CSPP1: variants seen among roughly 807,000 people sequenced by gnomAD.
CSPP1 encodes the protein centrosome and spindle pole associated protein 1.
In CSPP1, 126 loss-of-function variants were observed where a neutral mutation model predicts 164.4. That is an observed-to-expected ratio of 0.77 (90% CI 0.66 to 0.89). CSPP1 has a LOEUF of 0.89. Ranked by LOEUF, CSPP1 falls within the 40% of genes least tolerant of loss-of-function variation. The pLI is 0.00. For missense variants in CSPP1, 1,395 were observed against 1,449.8 expected (o/e 0.96, Z 0.61); for synonymous variants, 472 against 476.7 (o/e 0.99, Z 0.13).
intron 9 of CSPP1, among the ~76,000 whole-genome samples, chr8:67,106,502 A>T (rs899006498): frequency 6.6e-6 from 1 of 152,088 alleles, no homozygotes; most frequent in Non-Finnish European, 1.5e-5. Flanking sequence ...CTTTTCTCCA[A>T]ATTAAACCTT....
At position 67,086,293 on chromosome 8, in the gene CSPP1, C is replaced by T. The variant is rs538722986; in HGVS notation, c.303+183C>T. 1.1e-4 allele frequency: 73 copies of T among 667,238 alleles called. No individual in the cohort carries two copies. In the East Asian group the frequency reaches 1.5e-3, roughly 13 times the overall value. The allele number at this position is 667,238 out of a possible 1,614,324, so 41.3% of individuals were successfully genotyped here. ...TAGAGAAAAAAATATTGCTGAGAAC[C>T]GGTGCCATAGAATGATACAGACTTT... On this transcript the variant is annotated intron_variant, in intron 4 of 30. Transcript: ENST00000678616.
chr8:67,127,759 C>G (rs1385431475), intron 15 of CSPP1, among the ~76,000 whole-genome samples: 2 of 152,170 alleles, frequency 1.3e-5, no homozygotes, highest in South Asian at 2.1e-4. Context: ...AATCCTAATT[C>G]CCATCCTCAG....
chr8:67,149,630 G>C (rs897768076), intron 17 of CSPP1, among the ~76,000 whole-genome samples, 153 bp from the exon 18 acceptor site: 1 of 151,992 alleles, frequency 6.6e-6, no homozygotes, highest in African/African-American at 2.4e-5. Context: ...TGATAATTTT[G>C]TTTCTCTTTT....
At chr8:67,082,727 T>A (rs181659142) in intron 3 of CSPP1, among the ~76,000 whole-genome samples, 40 of 152,348 alleles carry the variant, frequency 2.6e-4, no homozygotes, top group African/African-American at 8.4e-4. Flanking sequence ...TAGTCTTAAG[T>A]ATTTTATGTA....
chr8:67,173,970 G>C (rs1295207658), intron 25 of CSPP1: 2 of 152,138 alleles, frequency 1.3e-5, no homozygotes, highest in African/African-American at 4.8e-5. Flanking sequence ...ATGTGTCCTT[G>C]TGTATTCTTG....
rs1381379461 is a variant in CSPP1 at position 67,196,575 on chromosome 8, A to G, written c.*982A>G. On this transcript the variant is annotated 3_prime_UTR_variant, in exon 31 of 31. Transcript: ENST00000678616. ...ATGTAATTAACGGTTGGTAGACAAT[A>G]TCAGACAAATTTGCCACAATTAAAT... 1.3e-5 allele frequency among the ~76,000 whole-genome samples: 2 copies of G among 152,226 alleles called. No individual in the cohort carries two copies. Among genetic ancestry groups the G allele is most frequent in the South Asian group, 2.1e-4 (1 of 4,834 alleles).
intron 8 of CSPP1, among the ~76,000 whole-genome samples, chr8:67,103,520 C>T (rs558955612): frequency 6.6e-6 from 1 of 151,864 alleles, no homozygotes; most frequent in Admixed American, 6.6e-5. Context: ...TGTGGCCGGG[C>T]CTGGTGGCTC....
Position 67,175,331 on chromosome 8 carries a change from C to T in CSPP1, c.3004C>T (p.Leu1002=), listed in dbSNP as rs756807936. The change falls in exon 26 of 31, where the codon CTG becomes TTG. Residue 1002 remains leucine (L), a synonymous_variant. Transcript: ENST00000678616. The part of the protein sequence containing the change: ...ETRVDLKFMY[L]DPPRDHHTLE... Reference sequence around the variant, plus strand: ...ACGAGTTGATCTGAAATTTATGTACCTGGATCCTCCAAGAGATCATCACAC... The same window carrying T: ...ACGAGTTGATCTGAAATTTATGTACTTGGATCCTCCAAGAGATCATCACAC... The T allele has an allele frequency of 6.2e-7, 1 of 1,613,138 alleles. No homozygotes were observed. Among genetic ancestry groups the T allele is most frequent in the South Asian group, 1.1e-5 (1 of 91,022 alleles).
intron 7 of CSPP1, among the ~76,000 whole-genome samples, chr8:67,102,622 A>G (rs1040758172): frequency 6.6e-6 from 1 of 152,178 alleles, no homozygotes; most frequent in Non-Finnish European, 1.5e-5. Flanking sequence ...CAATGAAATA[A>G]TTCACAGACT....
chr8:67,091,849 T>A lies in CSPP1; in HGVS notation c.350T>A (p.Val117Asp). 2.2e-6 allele frequency: 3 copies of A among 1,351,066 alleles called. No individual in the cohort carries two copies. In the South Asian group the frequency reaches 3.5e-5, roughly 16 times the overall value. 83.7% of individuals were successfully genotyped at this position (1,351,066 alleles called of 1,614,324 possible). ...TSETDPSTLGVSLPIGERLSA... is the reference protein window; with the variant it reads ...TSETDPSTLGDSLPIGERLSA... Reference sequence around the variant, plus strand: ...GAAACAGATCCATCTACTTTGGGAGTTTCTCTTCCTATTGGTGAGAGGTTA... The same window carrying A: ...GAAACAGATCCATCTACTTTGGGAGATTCTCTTCCTATTGGTGAGAGGTTA... Residue 117 changes from valine (V) to aspartate (D), a missense_variant, in exon 5 of 31, where the codon GTT (valine) becomes GAT (aspartate). Coordinates refer to ENST00000678616, the MANE Select transcript of CSPP1 (RefSeq NM_001382391.1).
At position 67,190,674 on chromosome 8, in the gene CSPP1, C is replaced by T. The variant is rs199738369; in HGVS notation, c.3245C>T (p.Ala1082Val). 45 of 1,613,864 alleles carry T rather than the reference C, an allele frequency of 2.8e-5. No individual in the cohort carries two copies. Among genetic ancestry groups the T allele is most frequent in the Non-Finnish European group, 3.7e-5 (44 of 1,179,902 alleles). ...FIGAYGETYP[A>V]IEDDVLPPPS... ...GGGGCTTACGGTGAGACATATCCTG[C>T]CATTGAAGATGACGTCCTCCCTCCA... The change falls in exon 29 of 31, where the codon GCC (alanine) becomes GTC (valine). Residue 1082 changes from alanine to valine, a missense_variant. Physicochemically the swap from Ala to Val is moderately conservative, Grantham distance 64 (BLOSUM62 0). Transcript: ENST00000678616.
chr8:67,123,905 CTTT>C (rs79650746), intron 15 of CSPP1, among the ~76,000 whole-genome samples: 1 of 124,798 alleles, frequency 8.0e-6, no homozygotes. Flanking sequence ...CGGCCAGGCT[CTTT>C]TTTTTTTTTT....
At chr8:67,115,501 G>T (rs115651961) in intron 12 of CSPP1, among the ~76,000 whole-genome samples, 2 of 152,010 alleles carry the variant, frequency 1.3e-5, no homozygotes, top group African/African-American at 4.8e-5. Context: ...CCAACGTGGC[G>T]AAACCCCCTT....
chr8:67,188,604 A>C (rs1280885410), intron 28 of CSPP1, among the ~76,000 whole-genome samples: 1 of 152,140 alleles, frequency 6.6e-6, no homozygotes, highest in African/African-American at 2.4e-5. Context: ...TTGGAACTGC[A>C]TGCTCTTCTG....
At position 67,104,165 on chromosome 8, in the gene CSPP1, AAC is replaced by A. The variant is rs1410158356; in HGVS notation, c.1022+1033_1022+1034del. Among the ~76,000 whole-genome samples, 19 of 152,240 alleles carry A rather than the reference AAC, an allele frequency of 1.2e-4. No homozygotes were observed. In the South Asian group the frequency reaches 1.7e-3, roughly 13 times the overall value. On this transcript the variant is annotated intron_variant, in intron 8 of 30. Coordinates refer to ENST00000678616, the MANE Select transcript of CSPP1 (RefSeq NM_001382391.1). ...TTTTTTCTAAGAAAAGTAATATATA[AAC>A]ACTGCTTGCAATAAGATAATTTGCT...
chr8:67,118,161 A>T, intron 13 of CSPP1, 87 bp from the exon 14 acceptor site: 1 of 1,361,932 alleles, frequency 7.3e-7, no homozygotes, highest in Non-Finnish European at 1.0e-6. Context: ...GATTTTCAGT[A>T]CTGTTTTTGC....
intron 17 of CSPP1, among the ~76,000 whole-genome samples, chr8:67,138,948 A>G (rs1251993510): frequency 6.6e-6 from 1 of 152,168 alleles, no homozygotes; most frequent in Admixed American, 6.5e-5. Flanking sequence ...TCTTTAATCC[A>G]TCTTGAATTA....
rs779380282 is a variant in CSPP1, at chr8:67,137,607, C to T, written c.1975+4C>T. 13 of 1,509,880 alleles carry T rather than the reference C, an allele frequency of 8.6e-6. No individual in the cohort carries two copies. The highest frequency in any genetic ancestry group is 2.4e-5 in the East Asian group (1 of 42,040). The allele number at this position is 1,509,880 out of a possible 1,614,324, so 93.5% of individuals were successfully genotyped here. Reference sequence around the variant, plus strand: ...GATGCAAAAGGAAATCTGATAAGTACGTTATTTCTACTGACTTGTTTTTAA... The same window carrying T: ...GATGCAAAAGGAAATCTGATAAGTATGTTATTTCTACTGACTTGTTTTTAA... On this transcript the variant is annotated splice_donor_region_variant and intron_variant, in intron 17 of 30. Transcript: ENST00000678616.
At chr8:67,170,453 C>G (rs1171124833) in intron 24 of CSPP1, among the ~76,000 whole-genome samples, 1 of 151,590 alleles carries the variant, frequency 6.6e-6, no homozygotes, top group East Asian at 1.9e-4. Flanking sequence ...AGGACTCTTT[C>G]AAAAAAAAAT....
Sources: allele counts gnomAD v4.1 joint callset (sites outside exome capture counted in the v4.1 genomes callset), GRCh38; gene constraint gnomAD v4.1.1; transcripts MANE v1.5; gene names NCBI Gene and HGNC (gene_info 2026-07-23, HGNC 2026-07-21).